Variants in CDH8 observed in about 807,000 individuals in gnomAD.
The protein encoded by CDH8 is cadherin-8.
Under a neutral mutation model 68.1 loss-of-function variants are expected in CDH8, and 17 were observed. That is an observed-to-expected ratio of 0.25 (90% CI 0.17 to 0.37). CDH8 has a LOEUF of 0.37. Ranked by LOEUF, CDH8 falls within the 10% of genes least tolerant of loss-of-function variation. The pLI, the probability that CDH8 is intolerant of heterozygous loss-of-function variation, is 1.00. For missense variants in CDH8, 763 were observed against 999.3 expected (o/e 0.76, Z 3.19); for synonymous variants, 372 against 365.1 (o/e 1.02, Z -0.21).
At chr16:61,761,353 T>A (rs993184465) in intron 8 of CDH8, among the ~76,000 whole-genome samples, 2 of 152,148 alleles carry the variant, frequency 1.3e-5, no homozygotes, top group African/African-American at 4.8e-5. Context: ...AATTGAAGCT[T>A]TAGATACATA....
intron 2 of CDH8, among the ~76,000 whole-genome samples, chr16:61,901,951 T>A (rs754809521): frequency 2.0e-5 from 3 of 151,826 alleles, no homozygotes; most frequent in Non-Finnish European, 4.4e-5. Flanking sequence ...AGGCACATAT[T>A]TACCTCTCCA....
intron 2 of CDH8, among the ~76,000 whole-genome samples, chr16:61,960,185 G>GTGTGTGTATACACATACATATATACATA (rs1965098285): frequency 1.6e-5 from 1 of 62,012 alleles, no homozygotes; most frequent in Non-Finnish European, 2.9e-5. Flanking sequence ...ATATACATAT[G>GTGTGTGTATACACATACATATATACATA]TGTGTGTATA....
chr16:61,739,568 A>G (rs1474789953), intron 8 of CDH8, among the ~76,000 whole-genome samples: 1 of 151,840 alleles, frequency 6.6e-6, no homozygotes, highest in Non-Finnish European at 1.5e-5. Flanking sequence ...TTGGTGCAAA[A>G]GGAATTGCAG....
intron 3 of CDH8, among the ~76,000 whole-genome samples, chr16:61,859,875 C>G (rs552214516): frequency 6.6e-6 from 1 of 152,146 alleles, no homozygotes; most frequent in Non-Finnish European, 1.5e-5. Context: ...TGAGAGGGAG[C>G]CTTGCTCTGT....
intron 10 of CDH8, among the ~76,000 whole-genome samples, chr16:61,661,555 T>C (rs1387746347): frequency 6.6e-6 from 1 of 151,776 alleles, no homozygotes; most frequent in Non-Finnish European, 1.5e-5. Context: ...TAAATAAAGA[T>C]ACAATGAATC....
At chr16:61,916,779 T>G (rs1964245244) in intron 2 of CDH8, among the ~76,000 whole-genome samples, 1 of 152,092 alleles carries the variant, frequency 6.6e-6, no homozygotes, top group Non-Finnish European at 1.5e-5. Flanking sequence ...TATTAGTTAT[T>G]TACTTTCAAT....
chr16:61,835,891 C>A (rs1209814436), intron 4 of CDH8, among the ~76,000 whole-genome samples: 2 of 151,876 alleles, frequency 1.3e-5, no homozygotes, highest in Admixed American at 1.3e-4. Context: ...CTTGGAGTTA[C>A]CTACTAAGAA....
intron 10 of CDH8, chr16:61,691,612 A>C (rs1964224695): frequency 6.6e-6 from 1 of 151,972 alleles, no homozygotes; most frequent in South Asian, 2.1e-4. Context: ...TTGTTGATGA[A>C]GAGGTGGATC....
chr16:61,793,910 G>A (rs1596973337), intron 7 of CDH8, among the ~76,000 whole-genome samples: 1 of 151,930 alleles, frequency 6.6e-6, no homozygotes, highest in Admixed American at 6.6e-5. Context: ...AAGCCATCCA[G>A]TCTATTTTGT....
intron 4 of CDH8, among the ~76,000 whole-genome samples, chr16:61,828,236 C>T (rs1251715527): frequency 5.3e-5 from 8 of 151,878 alleles, no homozygotes; most frequent in African/African-American, 9.7e-5. Context: ...CAGAAAGTTA[C>T]TGTATATGGT....
At chr16:61,761,681 C>T (rs62050515) in intron 8 of CDH8, among the ~76,000 whole-genome samples, 20,431 of 152,120 alleles carry the variant, frequency 0.13, 1,710 homozygotes, top group Middle Eastern at 0.21. Flanking sequence ...TTATGTACTG[C>T]ATATTCCATT....
At chr16:61,761,253 T>G (rs758736688) in intron 8 of CDH8, among the ~76,000 whole-genome samples, 35 of 152,290 alleles carry the variant, frequency 2.3e-4, no homozygotes, top group Non-Finnish European at 4.6e-4. Flanking sequence ...AAACACAATG[T>G]TGCATGGGTA....
At chr16:61,902,405 C>T (rs992201715) in intron 2 of CDH8, among the ~76,000 whole-genome samples, 2 of 152,006 alleles carry the variant, frequency 1.3e-5, no homozygotes, top group African/African-American at 4.8e-5. Flanking sequence ...CACGGTGTCT[C>T]TCCTGTTTTA....
At chr16:61,831,394 T>C (rs1453434056) in intron 4 of CDH8, among the ~76,000 whole-genome samples, 1 of 151,818 alleles carries the variant, frequency 6.6e-6, no homozygotes, top group Non-Finnish European at 1.5e-5. Context: ...TTGATTCTCC[T>C]GTATTTAAGA....
intron 6 of CDH8, among the ~76,000 whole-genome samples, chr16:61,818,935 C>CTTTTTTTTT (rs34723976): frequency 7.8e-6 from 1 of 127,598 alleles, no homozygotes. Flanking sequence ...GACTTGGCTC[C>CTTTTTTTTT]TTTTTTTTTT....
chr16:61,948,226 T>A (rs978379650), intron 2 of CDH8, among the ~76,000 whole-genome samples: 1 of 152,148 alleles, frequency 6.6e-6, no homozygotes, highest in Non-Finnish European at 1.5e-5. Context: ...AAACTGCCTA[T>A]AAGAATTAGC....
At chr16:61,719,723 T>C (rs1263599003) in intron 9 of CDH8, among the ~76,000 whole-genome samples, 1 of 150,942 alleles carries the variant, frequency 6.6e-6, no homozygotes, top group African/African-American at 2.4e-5. Context: ...TTATAAACAG[T>C]AATTCCTATA....
chr16:61,691,789 A>G (rs1213440097), intron 10 of CDH8: 1 of 152,096 alleles, frequency 6.6e-6, no homozygotes, highest in Admixed American at 6.6e-5. Context: ...CTGAAAATAC[A>G]CTGAACAGCA....
intron 2 of CDH8, among the ~76,000 whole-genome samples, chr16:61,958,128 C>A (rs1342504176): frequency 6.6e-6 from 1 of 152,116 alleles, no homozygotes; most frequent in African/African-American, 2.4e-5. Context: ...ATTGATCAAA[C>A]CCTGTGGATG....
Sources: gnomAD v4.1 joint callset for allele counts (sites outside exome capture counted in the v4.1 genomes callset) on GRCh38, gnomAD v4.1.1 for gene constraint, MANE v1.5 for transcripts, NCBI Gene and HGNC (gene_info 2026-07-23, HGNC 2026-07-21) for gene names.